KCNK2: variants seen among roughly 807,000 people sequenced by gnomAD.
KCNK2 encodes potassium two pore domain channel subfamily K member 2.
Under a neutral mutation model 40.5 loss-of-function variants are expected in KCNK2, and 21 were observed. That is an observed-to-expected ratio of 0.52 (90% confidence interval 0.37 to 0.75). The LOEUF (loss-of-function observed/expected upper bound fraction) is 0.75, where lower values mean the gene tolerates loss of function less well. Among genes scored for constraint, KCNK2 ranks in the 30% least tolerant of loss-of-function variants. The pLI is 0.00. For missense variants in KCNK2, 399 were observed against 531.6 expected, an observed-to-expected ratio of 0.75 and a Z score of 2.45; for synonymous variants, 191 against 202.2, an observed-to-expected ratio of 0.94 and a Z score of 0.47.
At chr1:215,214,419 A>G (rs1665874809) in intron 6 of KCNK2, among the ~76,000 whole-genome samples, 1 of 152,154 alleles carries the variant, frequency 6.6e-6, no homozygotes, top group African/African-American at 2.4e-5. Context: ...TGGAAATTAC[A>G]ATTTGACATG....
chr1:215,117,406 T>C (rs1472759426), intron 2 of KCNK2, among the ~76,000 whole-genome samples: 5 of 152,114 alleles, frequency 3.3e-5, no homozygotes, highest in Non-Finnish European at 7.4e-5. Context: ...GTATGTATCC[T>C]TCACTGTAGA....
At chr1:215,201,618 G>T (rs1276954481) in intron 6 of KCNK2, among the ~76,000 whole-genome samples, 1 of 152,176 alleles carries the variant, frequency 6.6e-6, no homozygotes, top group African/African-American at 2.4e-5. Context: ...TTCAAAAAGT[G>T]CTATTAAGTT....
intron 2 of KCNK2, among the ~76,000 whole-genome samples, chr1:215,113,345 C>A (rs1660785052): frequency 6.6e-6 from 1 of 151,978 alleles, no homozygotes; most frequent in African/African-American, 2.4e-5. Flanking sequence ...TAATATAACC[C>A]CAAGACCTGA....
chr1:215,045,685 G>A (rs1657743830), intron 1 of KCNK2, among the ~76,000 whole-genome samples: 1 of 152,126 alleles, frequency 6.6e-6, no homozygotes, highest in African/African-American at 2.4e-5. Flanking sequence ...ATGTGGTCTT[G>A]AATAATTTTT....
intron 6 of KCNK2, among the ~76,000 whole-genome samples, chr1:215,206,424 A>G (rs772379332): frequency 2.0e-4 from 30 of 152,206 alleles, no homozygotes; most frequent in Non-Finnish European, 2.6e-4. Context: ...AAGGAAATAT[A>G]TTTGAAACTC....
At chr1:215,034,411 T>A (rs1657314112) in intron 1 of KCNK2, among the ~76,000 whole-genome samples, 1 of 152,066 alleles carries the variant, frequency 6.6e-6, no homozygotes, top group Non-Finnish European at 1.5e-5. Flanking sequence ...TTTTGCGACC[T>A]TATTTATTGA....
Position 215,086,378 on chromosome 1 carries a change from T to C in KCNK2, c.57T>C (p.Pro19=), listed in dbSNP as rs751643770. The C allele has an allele frequency of 8.1e-6, 13 of 1,613,728 alleles. No homozygotes were observed. Among genetic ancestry groups the C allele is most frequent in the Non-Finnish European group, 1.1e-5 (13 of 1,179,818 alleles). ...RPGYRAGVAA[P]DLLDPKSAAQ... is the part of the protein sequence containing the mutation. ...CTCTGTTGTTGTCAGTGGCGGCACC[T>C]GACTTGCTGGATCCTAAATCTGCCG... Residue 19 remains proline (P), a synonymous_variant, in exon 2 of 7, where the codon CCT becomes CCC. Transcript: ENST00000444842.
chr1:215,109,027 T>A (rs1179768772), intron 2 of KCNK2, among the ~76,000 whole-genome samples: 35 of 152,000 alleles, frequency 2.3e-4, no homozygotes, highest in Non-Finnish European at 2.4e-4. Flanking sequence ...ATATCATTCA[T>A]TCATATATAT....
intron 6 of KCNK2, among the ~76,000 whole-genome samples, chr1:215,203,528 CTATA>C (rs912807769): frequency 1.3e-5 from 2 of 150,268 alleles, no homozygotes; most frequent in Non-Finnish European, 3.0e-5. Flanking sequence ...AGTTTTAAGA[CTATA>C]TATATATATA....
chr1:215,060,647 A>G (rs984863880), intron 1 of KCNK2, among the ~76,000 whole-genome samples: 3 of 152,196 alleles, frequency 2.0e-5, no homozygotes, highest in Non-Finnish European at 4.4e-5. Flanking sequence ...ATTTATCTAC[A>G]TGCCCGGGAG....
chr1:215,130,184 A>G (rs541640492), intron 3 of KCNK2, among the ~76,000 whole-genome samples: 18 of 152,280 alleles, frequency 1.2e-4, no homozygotes, highest in African/African-American at 4.3e-4. Context: ...TTAATCACCA[A>G]TGGCCAATTA....
intron 3 of KCNK2, among the ~76,000 whole-genome samples, chr1:215,135,156 G>C (rs1661846752): frequency 6.6e-6 from 1 of 152,096 alleles, no homozygotes; most frequent in African/African-American, 2.4e-5. Flanking sequence ...ATGCTGCTTA[G>C]AAGGAAAATA....
At chr1:215,174,049 C>T (rs1663842370) in intron 5 of KCNK2, among the ~76,000 whole-genome samples, 1 of 152,126 alleles carries the variant, frequency 6.6e-6, no homozygotes, top group South Asian at 2.1e-4. Flanking sequence ...CTTGCCCATG[C>T]CTATGTCCTG....
intron 3 of KCNK2, among the ~76,000 whole-genome samples, chr1:215,126,111 A>C (rs932917908): frequency 1.3e-5 from 2 of 152,110 alleles, no homozygotes; most frequent in Admixed American, 6.6e-5. Flanking sequence ...TTTTCATATC[A>C]GTAGATTATA....
intron 5 of KCNK2, among the ~76,000 whole-genome samples, chr1:215,187,554 T>C (rs1664492865): frequency 1.3e-5 from 2 of 151,892 alleles, no homozygotes; most frequent in Non-Finnish European, 2.9e-5. Flanking sequence ...AAAAAACACA[T>C]AAAGTGTTAG....
intron 3 of KCNK2, among the ~76,000 whole-genome samples, chr1:215,130,665 C>T (rs964956536): frequency 2.6e-5 from 4 of 152,034 alleles, no homozygotes; most frequent in Non-Finnish European, 4.4e-5. Flanking sequence ...GTGGAGGAAA[C>T]ATCTCACAGA....
upstream of KCNK2, among the ~76,000 whole-genome samples, chr1:215,079,383 A>G (rs1269554885): frequency 6.6e-6 from 1 of 152,220 alleles, no homozygotes; most frequent in Non-Finnish European, 1.5e-5. Context: ...CAATCATGGC[A>G]GGAGGTGAAG....
chr1:215,140,917 T>G (rs1252777801), intron 3 of KCNK2, among the ~76,000 whole-genome samples: 1 of 152,208 alleles, frequency 6.6e-6, no homozygotes, highest in Non-Finnish European at 1.5e-5. Context: ...AATACTTAGC[T>G]TAAAATTCAT....
At chr1:215,117,201 A>G (rs7548395) in intron 2 of KCNK2, among the ~76,000 whole-genome samples, 2,687 of 152,128 alleles carry the variant, frequency 0.018, 79 homozygotes, top group African/African-American at 0.062. Flanking sequence ...ATGAGTCACA[A>G]AATTTGATAT....
Sources: allele counts gnomAD v4.1 joint callset (sites outside exome capture counted in the v4.1 genomes callset), GRCh38; gene constraint gnomAD v4.1.1; transcripts MANE v1.5; gene names NCBI Gene and HGNC (gene_info 2026-07-23, HGNC 2026-07-21).